The following LRRC4C variants were observed in gnomAD, a reference collection of about 807,000 sequenced individuals.
The protein encoded by LRRC4C is leucine-rich repeat-containing protein 4C.
Under a neutral mutation model 33.6 loss-of-function variants are expected in LRRC4C, and 5 were observed. The observed-to-expected ratio is 0.15, with a 90% CI of 0.08 to 0.31. The LOEUF is 0.31. LRRC4C is among the 10% of genes least tolerant of loss of function. The probability of loss-of-function intolerance (pLI) is 1.00; values close to 1 mark genes in which losing one functional copy is unlikely to be tolerated. For synonymous variants in LRRC4C, 329 were observed against 302.0 expected (o/e 1.09, Z -0.93); for missense variants, 560 against 796.7 (o/e 0.70, Z 3.58).
chr11:40,769,236 C>A (rs912023229), intron 2 of LRRC4C, among the ~76,000 whole-genome samples: 1 of 151,898 alleles, frequency 6.6e-6, no homozygotes, highest in Admixed American at 6.6e-5. Context: ...ACAATAGCTA[C>A]AAATAAAATC....
chr11:40,863,763 T>TA (rs1416968470), intron 2 of LRRC4C, among the ~76,000 whole-genome samples: 1 of 152,190 alleles, frequency 6.6e-6, no homozygotes, highest in African/African-American at 2.4e-5. Context: ...AATTTATGGT[T>TA]AAAATAGGTC....
chr11:40,721,977 C>T (rs73471334), intron 2 of LRRC4C, among the ~76,000 whole-genome samples: 3,526 of 152,074 alleles, frequency 0.023, 154 homozygotes, highest in African/African-American at 0.08. Flanking sequence ...AGATTGAAAC[C>T]ATGATAACAT....
At chr11:40,614,989 G>T (rs771962353) in intron 3 of LRRC4C, among the ~76,000 whole-genome samples, 1 of 151,398 alleles carries the variant, frequency 6.6e-6, no homozygotes, top group South Asian at 2.1e-4. Flanking sequence ...TAACTAAAAC[G>T]TAACACAGGA....
rs186693770 is a variant in LRRC4C at position 41,146,958 on chromosome 11, C to T, written c.-495-213235G>A. ...TGAAACAGATTAGTCATATTGAAGA[C>T]TGGATGATTCTATCCAAACTCTTAA... On this transcript the variant is annotated intron_variant, in intron 1 of 6. Coordinates refer to ENST00000528697, the MANE Select transcript of LRRC4C (RefSeq NM_001258419.2). Among the ~76,000 whole-genome samples the T allele has an allele frequency of 1.6e-3, 244 of 152,312 alleles. 1 individual carries two copies. Among genetic ancestry groups the T allele is most frequent in the African/African-American group, 5.6e-3 (233 of 41,576 alleles).
intron 2 of LRRC4C, among the ~76,000 whole-genome samples, chr11:40,777,538 TA>T (rs1950054945): frequency 1.3e-5 from 2 of 151,672 alleles, no homozygotes; most frequent in African/African-American, 4.8e-5. Context: ...TGTTATTTTT[TA>T]GTCATCTAAG....
At chr11:40,376,120 A>C (rs2137300772) in intron 3 of LRRC4C, among the ~76,000 whole-genome samples, 1 of 152,298 alleles carries the variant, frequency 6.6e-6, no homozygotes, top group East Asian at 1.9e-4. Context: ...AATATGAGTA[A>C]GTTTTATCGT....
chr11:40,280,405 G>A (rs977270539), intron 4 of LRRC4C, among the ~76,000 whole-genome samples: 1 of 152,186 alleles, frequency 6.6e-6, no homozygotes, highest in African/African-American at 2.4e-5. Flanking sequence ...CACTGGCCAC[G>A]TGCATTAAGC....
chr11:40,889,437 G>A (rs1955606385), intron 2 of LRRC4C, among the ~76,000 whole-genome samples: 1 of 151,976 alleles, frequency 6.6e-6, no homozygotes, highest in East Asian at 1.9e-4. Flanking sequence ...GAGAGTTTAT[G>A]TGATTTTTTC....
intron 2 of LRRC4C, among the ~76,000 whole-genome samples, chr11:40,867,010 G>A (rs961893659): frequency 3.3e-5 from 5 of 152,006 alleles, no homozygotes; most frequent in African/African-American, 1.2e-4. Context: ...TTGATTATCA[G>A]TTTGACTGTA....
At chr11:41,005,221 G>A (rs1430970141) in intron 1 of LRRC4C, among the ~76,000 whole-genome samples, 1 of 152,166 alleles carries the variant, frequency 6.6e-6, no homozygotes, top group Non-Finnish European at 1.5e-5. Flanking sequence ...GTGGGGCCTG[G>A]TGGGAGGTGT....
rs189764050 is a variant in LRRC4C, at chr11:40,200,071, T to C, written c.-96+41448A>G. ...TAAAACTCTTAATACAACTGGGCAC[T>C]GTGGCTCGTGCCTGTAATCCCAGCG... On this transcript the variant is annotated intron_variant, in intron 5 of 6. Transcript: ENST00000528697. 4.0e-5 allele frequency among the ~76,000 whole-genome samples: 6 copies of C among 150,536 alleles called. No individual in the cohort carries two copies. In the East Asian group the frequency reaches 1.2e-3, roughly 30 times the overall value.
chr11:40,659,301 G>A (rs1458711870), intron 2 of LRRC4C, among the ~76,000 whole-genome samples: 2 of 152,226 alleles, frequency 1.3e-5, no homozygotes, highest in Non-Finnish European at 2.9e-5. Context: ...AGGAGGCTGG[G>A]TGGTGGCAGG....
intron 3 of LRRC4C, among the ~76,000 whole-genome samples, chr11:40,471,082 G>C (rs1181165283): frequency 6.6e-6 from 1 of 152,128 alleles, no homozygotes; most frequent in Non-Finnish European, 1.5e-5. Flanking sequence ...ACACATAATT[G>C]TCAGGTTCAC....
chr11:40,178,317 C>T (rs1435482623), intron 5 of LRRC4C, among the ~76,000 whole-genome samples: 1 of 152,008 alleles, frequency 6.6e-6, no homozygotes, highest in Non-Finnish European at 1.5e-5. Context: ...GGTAAATGAA[C>T]GAGCAGTTCT....
At chr11:40,460,368 A>C (rs1166141246) in intron 3 of LRRC4C, among the ~76,000 whole-genome samples, 1 of 142,982 alleles carries the variant, frequency 7.0e-6, no homozygotes, top group Non-Finnish European at 1.6e-5. Flanking sequence ...ACAGACAATG[A>C]AAAAAATAGC....
At chr11:40,736,860 G>T (rs1327346514) in intron 2 of LRRC4C, among the ~76,000 whole-genome samples, 30 of 142,474 alleles carry the variant, frequency 2.1e-4, no homozygotes, top group Non-Finnish European at 3.7e-4. Flanking sequence ...TGATGCGGTT[G>T]TTTTTTTTTT....
chr11:40,940,912 T>A (rs1958111137), intron 1 of LRRC4C, among the ~76,000 whole-genome samples: 1 of 133,218 alleles, frequency 7.5e-6, no homozygotes, highest in Non-Finnish European at 1.6e-5. Flanking sequence ...TGACAGAGAA[T>A]TCGTTACAAA....
At chr11:41,439,038 C>G (rs1335722229) in intron 1 of LRRC4C, among the ~76,000 whole-genome samples, 1 of 152,118 alleles carries the variant, frequency 6.6e-6, no homozygotes, top group Non-Finnish European at 1.5e-5. Flanking sequence ...GATAATTTTT[C>G]ATCCCTTAAA....
At chr11:41,325,058 C>A (rs2137306911) in intron 1 of LRRC4C, among the ~76,000 whole-genome samples, 1 of 152,206 alleles carries the variant, frequency 6.6e-6, no homozygotes, top group East Asian at 1.9e-4. Context: ...ATAACTGAAG[C>A]AAGGATTATT....
Sources: allele counts gnomAD v4.1 joint callset (sites outside exome capture counted in the v4.1 genomes callset), GRCh38; gene constraint gnomAD v4.1.1; transcripts MANE v1.5; gene names NCBI Gene and HGNC (gene_info 2026-07-23, HGNC 2026-07-21).